Variants in ULK4 observed in about 807,000 individuals in gnomAD.
ULK4 encodes the protein inactive serine/threonine-protein kinase ULK4.
ULK4 carries 133 observed loss-of-function variants against 160.6 expected under a neutral mutation model. The ratio of observed to expected loss-of-function variants is 0.83; its 90% CI spans 0.72 to 0.96. ULK4 has a LOEUF of 0.96. ULK4 is among the 40% of genes least tolerant of loss of function. The pLI is 0.00. For synonymous variants in ULK4, 534 were observed against 539.8 expected, an observed-to-expected ratio of 0.99 and a Z score of 0.15; for missense variants, 1,580 against 1,499.5, an observed-to-expected ratio of 1.05 and a Z score of -0.89.
intron 17 of ULK4, among the ~76,000 whole-genome samples, chr3:41,841,626 C>T (rs542772548): frequency 5.3e-5 from 8 of 152,110 alleles, no homozygotes; most frequent in Non-Finnish European, 1.2e-4. Flanking sequence ...GGGAAGTGTA[C>T]CCAACATCTC....
At chr3:41,373,310 C>T (rs28847733) in intron 35 of ULK4, among the ~76,000 whole-genome samples, 40,819 of 151,972 alleles carry the variant, frequency 0.27, 5,748 homozygotes, top group Middle Eastern at 0.37. Context: ...ACAGAACTTG[C>T]CACCCCAAAT....
chr3:41,455,983 C>T (rs1350448003), intron 33 of ULK4, among the ~76,000 whole-genome samples: 2 of 152,188 alleles, frequency 1.3e-5, no homozygotes, highest in African/African-American at 4.8e-5. Flanking sequence ...AATCTCAGCT[C>T]ACTGCAACCT....
chr3:41,490,209 T>C (rs1182764668), intron 32 of ULK4, among the ~76,000 whole-genome samples: 4 of 152,162 alleles, frequency 2.6e-5, no homozygotes, highest in Admixed American at 2.6e-4. Flanking sequence ...CATCACATGA[T>C]TGGGGCAGCT....
intron 31 of ULK4, among the ~76,000 whole-genome samples, chr3:41,574,836 G>A (rs923049922): frequency 7.9e-5 from 12 of 152,120 alleles, no homozygotes; most frequent in Non-Finnish European, 1.5e-4. Context: ...GTGAGCCACT[G>A]CGCCAGGCCC....
chr3:41,628,734 A>C (rs2033628299), intron 30 of ULK4, among the ~76,000 whole-genome samples: 1 of 152,192 alleles, frequency 6.6e-6, no homozygotes, highest in South Asian at 2.1e-4. Context: ...ACAGTATATC[A>C]ATGTTAATTT....
At chr3:41,852,381 C>T (rs530752890) in intron 17 of ULK4, among the ~76,000 whole-genome samples, 1 of 152,208 alleles carries the variant, frequency 6.6e-6, no homozygotes, top group Non-Finnish European at 1.5e-5. Context: ...AATTAGGTAT[C>T]GAATTGCAAT....
chr3:41,762,291 C>T (rs958551270), intron 21 of ULK4, among the ~76,000 whole-genome samples: 1 of 151,996 alleles, frequency 6.6e-6, no homozygotes, highest in Non-Finnish European at 1.5e-5. Flanking sequence ...CCTTCCAATA[C>T]CCTTCCCAGC....
intron 30 of ULK4, among the ~76,000 whole-genome samples, chr3:41,661,452 C>T (rs1425260983): frequency 7.0e-6 from 1 of 143,584 alleles, no homozygotes; most frequent in African/African-American, 3.0e-5. Context: ...TACTCGTATA[C>T]ATACACACAT....
rs1036434706 is a variant in ULK4 at position 41,816,847 on chromosome 3, A to G, written c.1848+2576T>C. Reference sequence around the variant, plus strand: ...ATTGACAAAAATTTTAAGTTTGCCTATGTCAAATGTTTGCGAAGATATGGG... The same window carrying G: ...ATTGACAAAAATTTTAAGTTTGCCTGTGTCAAATGTTTGCGAAGATATGGG... On this transcript the variant is annotated intron_variant, in intron 19 of 36. Transcript: ENST00000301831. 2.0e-5 allele frequency among the ~76,000 whole-genome samples: 3 copies of G among 152,196 alleles called. No individual in the cohort carries two copies. The East Asian group carries it at 5.8e-4, about 29-fold the overall frequency.
In ULK4 at chr3:41,302,003, A is replaced by G. The variant is rs555796098; in HGVS notation, c.3679-52429T>C. On this transcript the variant is annotated intron_variant, in intron 35 of 36. Transcript: ENST00000301831. ...AGAGTCAGAACAAGAATATGGGGAAATTATGATGATGCGAAGCACCTGAAT... is the reference window on the plus strand; with the variant it reads ...AGAGTCAGAACAAGAATATGGGGAAGTTATGATGATGCGAAGCACCTGAAT... Among the ~76,000 whole-genome samples, 12 of 152,326 alleles carry G rather than the reference A, an allele frequency of 7.9e-5. No individual in the cohort carries two copies. The South Asian group carries it at 2.3e-3, about 29-fold the overall frequency.
intron 35 of ULK4, among the ~76,000 whole-genome samples, chr3:41,391,581 G>C (rs1333723555): frequency 6.6e-6 from 1 of 151,480 alleles, no homozygotes; most frequent in Admixed American, 6.6e-5. Context: ...AACCCAACCT[G>C]GTACTAAAAT....
chr3:41,618,662 G>A (rs762410358), intron 30 of ULK4, among the ~76,000 whole-genome samples: 6 of 152,098 alleles, frequency 3.9e-5, no homozygotes, highest in Non-Finnish European at 8.8e-5. Context: ...ACCATCCACT[G>A]CAAAAACACA....
chr3:41,246,696 C>A lies in ULK4; in HGVS notation c.*233G>T, dbSNP rs572372402. 5.8e-6 allele frequency: 3 copies of A among 520,606 alleles called. No homozygotes were observed. The highest frequency in any genetic ancestry group is 1.0e-5 in the Non-Finnish European group (3 of 290,468). 32.2% of individuals were successfully genotyped at this position (520,606 alleles called of 1,614,324 possible). On this transcript the variant is annotated 3_prime_UTR_variant, in exon 37 of 37. Coordinates refer to ENST00000301831, the MANE Select transcript of ULK4 (RefSeq NM_017886.4). Reference sequence around the variant, plus strand: ...AAAGAACATTTCTGAGAACAGCTAACAAACCTGGGCTTCCCAGATGCATTC... The same window carrying A: ...AAAGAACATTTCTGAGAACAGCTAAAAAACCTGGGCTTCCCAGATGCATTC...
At chr3:41,594,651 T>C (rs943505648) in intron 31 of ULK4, among the ~76,000 whole-genome samples, 4 of 152,212 alleles carry the variant, frequency 2.6e-5, no homozygotes, top group Non-Finnish European at 5.9e-5. Context: ...GAAGTGGTGC[T>C]TTATAGCCCC....
intron 32 of ULK4, among the ~76,000 whole-genome samples, chr3:41,480,077 G>A (rs1171059044): frequency 6.6e-6 from 1 of 151,848 alleles, no homozygotes; most frequent in Admixed American, 6.6e-5. Context: ...CGTGGTGGCG[G>A]GCGCCTGTAG....
At chr3:41,367,029 C>A (rs1455471978) in intron 35 of ULK4, among the ~76,000 whole-genome samples, 1 of 152,168 alleles carries the variant, frequency 6.6e-6, no homozygotes, top group South Asian at 2.1e-4. Flanking sequence ...TCGTATTTTA[C>A]GGAAATCTTT....
intron 31 of ULK4, among the ~76,000 whole-genome samples, chr3:41,598,566 G>A (rs888961060): frequency 1.3e-5 from 2 of 152,126 alleles, no homozygotes; most frequent in African/African-American, 4.8e-5. Context: ...AATCATGTGG[G>A]AACAGCATTA....
In ULK4 at chr3:41,911,545, T is replaced by C. The variant is rs1286887718; in HGVS notation, c.1011A>G (p.Arg337=). 2 of 1,613,260 alleles carry C rather than the reference T, an allele frequency of 1.2e-6. No individual in the cohort carries two copies. The highest frequency in any genetic ancestry group is 1.7e-5 in the Admixed American group (1 of 59,974). The change falls in exon 10 of 37, where the codon AGA becomes AGG. Residue 337 remains arginine (R), a synonymous_variant. Coordinates refer to ENST00000301831, the MANE Select transcript of ULK4 (RefSeq NM_017886.4). ...ATGTGCTCAAATAAAACTTACCTAG[T>C]CTGAAAGAGTGACCTAGTGGTTGAC... ...KSGQPLGHSF[R]LENPTEFRPK...
At chr3:41,823,799 A>G (rs892783021) in intron 18 of ULK4, among the ~76,000 whole-genome samples, 1 of 152,132 alleles carries the variant, frequency 6.6e-6, no homozygotes, top group African/African-American at 2.4e-5. Context: ...TGCTATCACG[A>G]GATGTAGTTA....
Sources: allele counts gnomAD v4.1 joint callset (sites outside exome capture counted in the v4.1 genomes callset), GRCh38; gene constraint gnomAD v4.1.1; transcripts MANE v1.5; gene names NCBI Gene and HGNC (gene_info 2026-07-23, HGNC 2026-07-21).